The following KLC1 variants were observed in gnomAD, a reference collection of about 807,000 sequenced individuals.
The protein encoded by KLC1 is kinesin light chain 1.
In KLC1, 30 loss-of-function variants were observed where a neutral mutation model predicts 84.2. The observed-to-expected ratio is 0.36, with a 90% CI of 0.27 to 0.48. KLC1 has a LOEUF of 0.48. Among genes scored for constraint, KLC1 ranks in the 20% least tolerant of loss-of-function variants. The pLI is 0.99. For synonymous variants in KLC1, 289 were observed against 293.3 expected (o/e 0.99, Z 0.15); for missense variants, 499 against 805.4 (o/e 0.62, Z 4.60).
rs2080818482 is a variant in KLC1, at chr14:103,675,735, A to G, written c.1358A>G (p.Tyr453Cys). The G allele has an allele frequency of 1.1e-5, 17 of 1,613,980 alleles. No individual in the cohort carries two copies. The highest frequency in any genetic ancestry group is 1.4e-5 in the Non-Finnish European group (17 of 1,179,932). ...TCTTTTGGAGAGTATGGCGGCTGGT[A>G]CAAAGCCTGCAAAGTTGATAGGTAT... The part of the protein sequence containing the change: ...GTSFGEYGGW[Y>C]KACKVDSPTV... The change falls in exon 11 of 17, where the codon TAC becomes TGC. Residue 453 changes from tyrosine to cysteine, a missense_variant. Tyr to Cys is a radical substitution (Grantham distance 194, BLOSUM62 -2). This residue lies in a region of KLC1 where 153 missense variants were observed against 332.4 expected (regional missense o/e 0.46). Coordinates refer to ENST00000334553, the MANE Select transcript of KLC1 (RefSeq NM_001394837.1).
intron 13 of KLC1, chr14:103,685,929 G>GT: frequency 9.0e-7 from 1 of 1,116,656 alleles, no homozygotes; most frequent in Non-Finnish European, 1.1e-6. Context: ...GCGATTAGCT[G>GT]TTCACTTTGG....
At chr14:103,688,606 C>T (rs547190787) in intron 14 of KLC1, among the ~76,000 whole-genome samples, 36 of 152,340 alleles carry the variant, frequency 2.4e-4, no homozygotes, top group African/African-American at 8.4e-4. Flanking sequence ...GTAGGGCTCA[C>T]CCTCTTGTCC....
intron 14 of KLC1, among the ~76,000 whole-genome samples, chr14:103,689,839 C>T (rs540963914): frequency 8.5e-5 from 13 of 152,272 alleles, no homozygotes; most frequent in Admixed American, 5.2e-4. Flanking sequence ...GTTGTTCTTT[C>T]GTTTCGTAAA....
chr14:103,632,528 C>G (rs2076761945), intron 1 of KLC1, among the ~76,000 whole-genome samples: 1 of 151,996 alleles, frequency 6.6e-6, no homozygotes, highest in Non-Finnish European at 1.5e-5. Flanking sequence ...CCCGCCTGGA[C>G]AACATGGTGA....
At chr14:103,659,563 T>C (rs2079115182) in intron 3 of KLC1, among the ~76,000 whole-genome samples, 1 of 152,234 alleles carries the variant, frequency 6.6e-6, no homozygotes, top group Non-Finnish European at 1.5e-5. Context: ...TTTTCTGTGC[T>C]AGGACCTAGT....
intron 13 of KLC1, among the ~76,000 whole-genome samples, chr14:103,681,044 G>C (rs1395303685): frequency 2.0e-5 from 3 of 152,134 alleles, no homozygotes; most frequent in Non-Finnish European, 4.4e-5. Context: ...AAGTGTCGCT[G>C]CTGGGGATGA....
At chr14:103,665,915 A>G (rs1052260029) in intron 5 of KLC1, among the ~76,000 whole-genome samples, 2 of 138,436 alleles carry the variant, frequency 1.4e-5, no homozygotes, top group Non-Finnish European at 3.1e-5. Flanking sequence ...TAGAGTATGC[A>G]TTGTGTTTTA....
At chr14:103,677,390 C>T in intron 11 of KLC1, 25 bp from the exon 12 acceptor site, 6 of 1,354,494 alleles carry the variant, frequency 4.4e-6, no homozygotes, top group Admixed American at 1.7e-5. Flanking sequence ...TGTCATAGTT[C>T]TGTATGTCAT....
At chr14:103,649,482 A>C (rs1189579841) in intron 1 of KLC1, among the ~76,000 whole-genome samples, 1 of 145,372 alleles carries the variant, frequency 6.9e-6, no homozygotes, top group Non-Finnish European at 1.5e-5. Context: ...TATCTCCAGC[A>C]CTTTGGGAGG....
Position 103,701,320 on chromosome 14 carries a change from C to A in KLC1, c.*121C>A. The A allele has an allele frequency of 9.1e-7, 1 of 1,099,772 alleles. No homozygotes were observed. The highest frequency in any genetic ancestry group is 1.4e-5 in the South Asian group (1 of 72,162). 68.1% of individuals were successfully genotyped at this position (1,099,772 alleles called of 1,614,324 possible). A position where few individuals can be genotyped will look rare whatever the true frequency, so the allele number is the denominator to read the frequency against. On this transcript the variant is annotated 3_prime_UTR_variant, in exon 17 of 17. Transcript: ENST00000334553. Reference sequence around the variant, plus strand: ...GGAGCCGCAGCGCTCACTCATTTCTCCTGCGTCTGTGTGCATAGGACATGA... The same window carrying A: ...GGAGCCGCAGCGCTCACTCATTTCTACTGCGTCTGTGTGCATAGGACATGA...
chr14:103,663,219 T>C (rs922078153), intron 5 of KLC1, among the ~76,000 whole-genome samples: 2 of 151,668 alleles, frequency 1.3e-5, no homozygotes, highest in Non-Finnish European at 2.9e-5. Flanking sequence ...AGCTGGGACT[T>C]CAGGCACCCG....
At chr14:103,641,149 T>A (rs2077459651) in intron 1 of KLC1, among the ~76,000 whole-genome samples, 1 of 152,156 alleles carries the variant, frequency 6.6e-6, no homozygotes, top group South Asian at 2.1e-4. Context: ...GGTCTCGAAC[T>A]CCTGCCCTTA....
At chr14:103,657,446 G>A (rs553511977) in intron 2 of KLC1, 100 bp from the exon 3 acceptor site, 10 of 798,364 alleles carry the variant, frequency 1.3e-5, no homozygotes, top group Admixed American at 7.4e-5. Flanking sequence ...AAATATCTGC[G>A]AGTGTAAGCT....
chr14:103,649,412 T>C (rs1426215686), intron 1 of KLC1, among the ~76,000 whole-genome samples: 2 of 152,036 alleles, frequency 1.3e-5, no homozygotes, highest in African/African-American at 2.4e-5. Flanking sequence ...AGGTAGTGAC[T>C]TACAGTCTGT....
chr14:103,667,036 C>T (rs897068390), intron 5 of KLC1, among the ~76,000 whole-genome samples: 3 of 152,170 alleles, frequency 2.0e-5, no homozygotes, highest in Admixed American at 6.5e-5. Flanking sequence ...GCCTTAGCCT[C>T]GCAAAGTGTT....
intron 1 of KLC1, among the ~76,000 whole-genome samples, chr14:103,649,646 C>T (rs1490291499): frequency 1.3e-5 from 2 of 149,456 alleles, no homozygotes; most frequent in Admixed American, 1.3e-4. Context: ...ATAGCTTTGC[C>T]TGTTGAACAA....
intron 1 of KLC1, among the ~76,000 whole-genome samples, chr14:103,631,365 C>T (rs921826764): frequency 6.6e-6 from 1 of 152,050 alleles, no homozygotes; most frequent in African/African-American, 2.4e-5. Context: ...CAGGCGTGAG[C>T]CACCGCACCT....
At chr14:103,676,893 G>A (rs531490241) in intron 11 of KLC1, among the ~76,000 whole-genome samples, 6 of 152,244 alleles carry the variant, frequency 3.9e-5, no homozygotes, top group East Asian at 3.9e-4. Context: ...AAACACAGCC[G>A]TCCTCTCGGC....
intron 1 of KLC1, among the ~76,000 whole-genome samples, chr14:103,648,916 C>G (rs1054853702): frequency 2.0e-5 from 3 of 152,200 alleles, no homozygotes; most frequent in Non-Finnish European, 4.4e-5. Context: ...GCGGGCAGAT[C>G]ACCTGAGCTC....
Sources: allele counts gnomAD v4.1 joint callset (sites outside exome capture counted in the v4.1 genomes callset), GRCh38; gene constraint gnomAD v4.1.1; regional missense constraint gnomAD v4.1.1; transcripts MANE v1.5; gene names NCBI Gene and HGNC (gene_info 2026-07-23, HGNC 2026-07-21).